WDR11: variants seen among roughly 807,000 people sequenced by gnomAD.
WDR11 encodes the protein WD repeat domain 11, also known as WD repeat-containing protein 11.
In WDR11, 83 loss-of-function variants were observed where a neutral mutation model predicts 151.2. The ratio of observed to expected loss-of-function variants is 0.55; its 90% CI spans 0.46 to 0.66. The LOEUF (loss-of-function observed/expected upper bound fraction) is 0.66, where lower values mean the gene tolerates loss of function less well. Ranked by LOEUF, WDR11 falls within the 30% of genes least tolerant of loss-of-function variation. The probability of loss-of-function intolerance (pLI) is 0.00; values close to 1 mark genes in which losing one functional copy is unlikely to be tolerated. For synonymous variants in WDR11, 484 were observed against 533.1 expected (o/e 0.91, Z 1.27); for missense variants, 1,301 against 1,480.9 (o/e 0.88, Z 1.99).
chr10:120,869,368 C>T (rs2133752739), intron 9 of WDR11, among the ~76,000 whole-genome samples: 2 of 152,250 alleles, frequency 1.3e-5, no homozygotes, highest in Middle Eastern at 6.8e-3. Context: ...CCGCCTCGGC[C>T]TCCCAAAGTG....
At chr10:120,860,680 C>T (rs1422467646) in intron 4 of WDR11, among the ~76,000 whole-genome samples, 2 of 152,128 alleles carry the variant, frequency 1.3e-5, no homozygotes, top group Admixed American at 6.5e-5. Context: ...TCCTAATTCA[C>T]GCCATTCATT....
chr10:120,908,972 C>A lies in WDR11; in HGVS notation c.*259C>A. The A allele has an allele frequency of 2.2e-6, 1 of 461,756 alleles. No homozygotes were observed. Among genetic ancestry groups the A allele is most frequent in the Non-Finnish European group, 3.9e-6 (1 of 258,022 alleles). The allele number at this position is 461,756 out of a possible 1,614,324, so 28.6% of individuals were successfully genotyped here. A position where few individuals can be genotyped will look rare whatever the true frequency, so the allele number is the denominator to read the frequency against. ...TAATATTTTATACTTTGGGAGAGAGCTTTAAGAGTCCCTGGAAATACTTTT... is the reference window on the plus strand; with the variant it reads ...TAATATTTTATACTTTGGGAGAGAGATTTAAGAGTCCCTGGAAATACTTTT... On this transcript the variant is annotated 3_prime_UTR_variant, in exon 29 of 29. Coordinates refer to ENST00000263461, the MANE Select transcript of WDR11 (RefSeq NM_018117.12).
chr10:120,902,231 C>A, intron 21 of WDR11, 26 bp from the exon 22 acceptor site: 6 of 1,610,762 alleles, frequency 3.7e-6, no homozygotes, highest in Non-Finnish European at 5.1e-6. Context: ...ACTTTTGTCT[C>A]ACTTTTGTCC....
At chr10:120,871,890 A>C (rs569807285) in intron 10 of WDR11, among the ~76,000 whole-genome samples, 4 of 152,342 alleles carry the variant, frequency 2.6e-5, no homozygotes, top group African/African-American at 9.6e-5. Flanking sequence ...CTGGGTTCCA[A>C]CTTGCTGTCA....
intron 2 of WDR11, among the ~76,000 whole-genome samples, chr10:120,852,979 T>C: frequency 6.6e-6 from 1 of 152,190 alleles, no homozygotes; most frequent in South Asian, 2.1e-4. Flanking sequence ...AGCGTGATAG[T>C]GTGATAAGTG....
In WDR11 at chr10:120,851,401, G is replaced by C. The variant is rs1231386920; in HGVS notation, c.-20G>C. ...TTCCTGGTTGCGGGTCAGCGCCCAGGTCCTGGGCTGGCCGCCGGGATGTTG... is the reference window on the plus strand; with the variant it reads ...TTCCTGGTTGCGGGTCAGCGCCCAGCTCCTGGGCTGGCCGCCGGGATGTTG... On this transcript the variant is annotated 5_prime_UTR_variant, in exon 1 of 29. Coordinates refer to ENST00000263461, the MANE Select transcript of WDR11 (RefSeq NM_018117.12). 2 of 1,602,758 alleles carry C rather than the reference G, an allele frequency of 1.2e-6. No homozygotes were observed. The highest frequency in any genetic ancestry group is 8.5e-7 in the Non-Finnish European group (1 of 1,175,702).
intron 19 of WDR11, among the ~76,000 whole-genome samples, chr10:120,892,462 A>G (rs1847459018): frequency 6.6e-6 from 1 of 152,232 alleles, no homozygotes; most frequent in African/African-American, 2.4e-5. Flanking sequence ...AAACTATGGT[A>G]GTGTAAATGT....
intron 17 of WDR11, chr10:120,889,592 G>T (rs1054283601): frequency 4.5e-6 from 2 of 441,964 alleles, no homozygotes; most frequent in Non-Finnish European, 8.4e-6. Context: ...TTGGCAAGAA[G>T]GATCAGTAAA....
chr10:120,898,070 T>C (rs1027111906), intron 19 of WDR11, among the ~76,000 whole-genome samples: 2 of 152,228 alleles, frequency 1.3e-5, no homozygotes, highest in African/African-American at 4.8e-5. Context: ...TAAATTCTAG[T>C]ATCCACATTT....
intron 15 of WDR11, 28 bp from the exon 16 acceptor site, chr10:120,886,661 C>G (rs1216901053): frequency 1.2e-6 from 2 of 1,610,038 alleles, no homozygotes; most frequent in South Asian, 2.2e-5. Context: ...AAAAAAACAT[C>G]TTTATCATAT....
At chr10:120,853,692 G>A (rs1468983900) in intron 2 of WDR11, among the ~76,000 whole-genome samples, 1 of 152,148 alleles carries the variant, frequency 6.6e-6, no homozygotes. Context: ...GGAGATTTCT[G>A]CAGTAATTTT....
chr10:120,861,363 TGGAC>T (rs1846133983), intron 4 of WDR11, among the ~76,000 whole-genome samples: 1 of 152,214 alleles, frequency 6.6e-6, no homozygotes, highest in African/African-American at 2.4e-5. Flanking sequence ...TGTTTGTATA[TGGAC>T]GTGTGCATAC....
At position 120,904,794 on chromosome 10, in the gene WDR11, C is replaced by T; in HGVS notation, c.3176C>T (p.Ala1059Val). 6.2e-7 allele frequency: 1 copy of T among 1,614,114 alleles called. No homozygotes were observed. The highest frequency in any genetic ancestry group is 8.5e-7 in the Non-Finnish European group (1 of 1,180,014). The stretch of plus-strand genomic sequence containing the variant: ...AAGTTGGTGGCAACGAATATGATTG[C>T]CAATGGCAAATTGGCAGGTAAGGCA... Reference protein sequence around the residue: ...TIKLVATNMIANGKLAEGVQL... With the variant: ...TIKLVATNMIVNGKLAEGVQL... The change falls in exon 25 of 29, where the codon GCC (alanine) becomes GTC (valine). Residue 1059 changes from alanine to valine, a missense_variant. Coordinates refer to ENST00000263461, the MANE Select transcript of WDR11 (RefSeq NM_018117.12).
chr10:120,896,231 G>A (rs183565336), intron 19 of WDR11, among the ~76,000 whole-genome samples: 28 of 152,152 alleles, frequency 1.8e-4, no homozygotes, highest in East Asian at 1.7e-3. Flanking sequence ...GTACAAAGGC[G>A]GATTTTATAC....
chr10:120,905,842 A>C, intron 26 of WDR11, 34 bp from the exon 27 acceptor site: 1 of 1,614,092 alleles, frequency 6.2e-7, no homozygotes, highest in Non-Finnish European at 8.5e-7. Flanking sequence ...AGAGTGCAGG[A>C]TGTTTTTGTT....
rs190834105 is a variant in WDR11, at chr10:120,909,492, C to G, written c.*779C>G. On this transcript the variant is annotated 3_prime_UTR_variant, in exon 29 of 29. Coordinates refer to ENST00000263461, the MANE Select transcript of WDR11 (RefSeq NM_018117.12). ...TGAAAACATAAATGTCTGTAACTTACAAACATGATAAATAAATTAAAAATT... is the reference window on the plus strand; with the variant it reads ...TGAAAACATAAATGTCTGTAACTTAGAAACATGATAAATAAATTAAAAATT... 6.6e-6 allele frequency: 1 copy of G among 152,638 alleles called. No homozygotes were observed. Among genetic ancestry groups the G allele is most frequent in the African/African-American group, 2.4e-5 (1 of 41,440 alleles). The allele number at this position is 152,638 out of a possible 1,614,324, so 9.5% of individuals were successfully genotyped here.
In WDR11 at chr10:120,902,263, A is replaced by G; in HGVS notation, c.2694A>G (p.Ile898Met). 6.2e-7 allele frequency: 1 copy of G among 1,614,116 alleles called. No individual in the cohort carries two copies. The highest frequency in any genetic ancestry group is 1.1e-5 in the South Asian group (1 of 91,072). Residue 898 changes from isoleucine to methionine, a missense_variant, in exon 22 of 29, where the codon ATA (isoleucine) becomes ATG (methionine). Physicochemically the swap from Ile to Met is conservative, Grantham distance 10. Transcript: ENST00000263461. ...GTCCGGATTTCTTCCACAGTGACAT[A>G]AAGAAACTGTTGCTTGATCCAGAAT... ...QEQLNSLSND[I>M]KKLLLDPEFT...
rs1035465781 is a variant in WDR11 at position 120,904,636 on chromosome 10, C to T, written c.3028-10C>T. 11 of 1,614,002 alleles carry T rather than the reference C, an allele frequency of 6.8e-6. No individual in the cohort carries two copies. The highest frequency in any genetic ancestry group is 9.3e-6 in the Non-Finnish European group (11 of 1,180,012). On this transcript the variant is annotated splice_polypyrimidine_tract_variant and intron_variant, in intron 24 of 28. Transcript: ENST00000263461. ...GTTCTCATAATTAGAAAAACCGTTT[C>T]TCTTACTAGACAGACAGAGCTGTGC...
intron 16 of WDR11, 45 bp from the exon 17 acceptor site, chr10:120,889,033 A>C: frequency 7.5e-7 from 1 of 1,338,818 alleles, no homozygotes; most frequent in East Asian, 2.3e-5. Context: ...AATGTCTTAT[A>C]CAGCATAGTG....
Sources: allele counts gnomAD v4.1 joint callset (sites outside exome capture counted in the v4.1 genomes callset), GRCh38; gene constraint gnomAD v4.1.1; transcripts MANE v1.5; gene names NCBI Gene and HGNC (gene_info 2026-07-23, HGNC 2026-07-21).